Variants in RBMS3 observed in about 807,000 individuals in gnomAD.
The protein encoded by RBMS3 is RNA binding motif single stranded interacting protein 3, also known as RNA-binding motif, single-stranded-interacting protein 3.
Under a neutral mutation model 66.8 loss-of-function variants are expected in RBMS3, and 27 were observed. The observed-to-expected ratio is 0.40, with a 90% CI of 0.30 to 0.56. The LOEUF (loss-of-function observed/expected upper bound fraction) is 0.56. RBMS3 is among the 20% of genes least tolerant of loss of function. RBMS3 has a pLI of 0.40. For synonymous variants in RBMS3, 188 were observed against 183.0 expected, an observed-to-expected ratio of 1.03 and a Z score of -0.22; for missense variants, 513 against 549.5, an observed-to-expected ratio of 0.93 and a Z score of 0.66.
chr3:29,613,225 T>C (rs966005228), intron 4 of RBMS3, among the ~76,000 whole-genome samples: 8 of 152,212 alleles, frequency 5.3e-5, no homozygotes, highest in African/African-American at 1.9e-4. Context: ...CCGGATCATA[T>C]GTTAGTTCTG....
At chr3:29,550,829 G>A (rs2046157962) in intron 3 of RBMS3, among the ~76,000 whole-genome samples, 1 of 152,184 alleles carries the variant, frequency 6.6e-6, no homozygotes, top group Non-Finnish European at 1.5e-5. Context: ...GAGCATCACT[G>A]ACACTTTATC....
chr3:29,870,385 T>C (rs1286403633), intron 7 of RBMS3, among the ~76,000 whole-genome samples: 3 of 152,126 alleles, frequency 2.0e-5, no homozygotes, highest in African/African-American at 2.4e-5. Flanking sequence ...AGAGATATCT[T>C]TGGGTCACAG....
At chr3:29,295,813 A>G (rs1348359318) in intron 1 of RBMS3, among the ~76,000 whole-genome samples, 1 of 151,770 alleles carries the variant, frequency 6.6e-6, no homozygotes, top group Non-Finnish European at 1.5e-5. Flanking sequence ...ATTCTAAAAT[A>G]TATATTCAGG....
chr3:29,987,352 T>G (rs1457536940), intron 12 of RBMS3, among the ~76,000 whole-genome samples: 1 of 152,208 alleles, frequency 6.6e-6, no homozygotes, highest in Non-Finnish European at 1.5e-5. Flanking sequence ...TACTTTATGC[T>G]TATGTAACTG....
At chr3:29,453,768 C>A (rs1412358996) in intron 2 of RBMS3, among the ~76,000 whole-genome samples, 1 of 152,196 alleles carries the variant, frequency 6.6e-6, no homozygotes. Context: ...TGGAAGAGGG[C>A]AGAATCAATA....
rs553136512 is a variant in RBMS3 at position 29,809,215 on chromosome 3, G to A, written c.637+46226G>A. On this transcript the variant is annotated intron_variant, in intron 6 of 14. Transcript: ENST00000383767. Reference sequence around the variant, plus strand: ...ATAATTTATCTAAAAATCCTTTTTCGAAAGTTCATTGGAGAATTTCATTCT... The same window carrying A: ...ATAATTTATCTAAAAATCCTTTTTCAAAAGTTCATTGGAGAATTTCATTCT... 1.9e-4 allele frequency among the ~76,000 whole-genome samples: 29 copies of A among 151,032 alleles called. No homozygotes were observed. The South Asian group carries it at 3.5e-3, about 18-fold the overall frequency.
chr3:29,509,538 T>C (rs917663029), intron 3 of RBMS3, among the ~76,000 whole-genome samples: 1 of 152,218 alleles, frequency 6.6e-6, no homozygotes, highest in Non-Finnish European at 1.5e-5. Flanking sequence ...AGGTCTGCTT[T>C]GTTTTAAAGC....
chr3:29,308,360 A>G (rs775982964), intron 1 of RBMS3, among the ~76,000 whole-genome samples: 3 of 151,848 alleles, frequency 2.0e-5, no homozygotes, highest in Non-Finnish European at 4.4e-5. Flanking sequence ...GTGTTGGCTC[A>G]TTGGAGAAGA....
chr3:29,721,989 T>C (rs1559605375), intron 4 of RBMS3, among the ~76,000 whole-genome samples: 1 of 152,100 alleles, frequency 6.6e-6, no homozygotes, highest in Non-Finnish European at 1.5e-5. Context: ...TACTGCTGAG[T>C]ATGTTAATTG....
chr3:29,544,759 T>A (rs1364142645), intron 3 of RBMS3, among the ~76,000 whole-genome samples: 1 of 151,726 alleles, frequency 6.6e-6, no homozygotes, highest in Non-Finnish European at 1.5e-5. Context: ...TGGTCTGTAT[T>A]AGTGTTCAGC....
chr3:29,932,485 A>G (rs2061154546), intron 10 of RBMS3, among the ~76,000 whole-genome samples: 1 of 152,170 alleles, frequency 6.6e-6, no homozygotes, highest in Non-Finnish European at 1.5e-5. Context: ...GCCTAATCCC[A>G]GAGAGTCTAA....
chr3:29,938,824 G>T (rs1257947014), intron 11 of RBMS3, among the ~76,000 whole-genome samples: 1 of 151,960 alleles, frequency 6.6e-6, no homozygotes, highest in African/African-American at 2.4e-5. Context: ...TATTAGCTCT[G>T]CATGTTTAGG....
chr3:29,569,057 C>G (rs1332033939), intron 3 of RBMS3, among the ~76,000 whole-genome samples: 1 of 152,062 alleles, frequency 6.6e-6, no homozygotes, highest in African/African-American at 2.4e-5. Context: ...AACAAGCTCC[C>G]AAGTGATGCC....
chr3:29,785,555 A>T lies in RBMS3; in HGVS notation c.637+22566A>T, dbSNP rs536585511. On this transcript the variant is annotated intron_variant, in intron 6 of 14. Coordinates refer to ENST00000383767, the MANE Select transcript of RBMS3 (RefSeq NM_001003793.3). ...TACTGTACTATAAACATAGTATAAC[A>T]TAACATAGTATCATATAAACAGAAT... Among the ~76,000 whole-genome samples, 8 of 152,176 alleles carry T rather than the reference A, an allele frequency of 5.3e-5. No homozygotes were observed. The East Asian group carries it at 1.5e-3, about 29-fold the overall frequency.
At chr3:29,742,654 T>C (rs1367072228) in intron 5 of RBMS3, among the ~76,000 whole-genome samples, 1 of 152,232 alleles carries the variant, frequency 6.6e-6, no homozygotes, top group African/African-American at 2.4e-5. Flanking sequence ...TCAAATAAAA[T>C]ATATCACGAT....
At chr3:29,384,441 G>A (rs61210792) in intron 1 of RBMS3, among the ~76,000 whole-genome samples, 1 of 106,876 alleles carries the variant, frequency 9.4e-6, no homozygotes, top group Non-Finnish European at 2.0e-5. Context: ...ATAATAAGAA[G>A]AAGAAGAAGA....
At chr3:29,598,365 A>G (rs1456740418) in intron 4 of RBMS3, among the ~76,000 whole-genome samples, 1 of 152,116 alleles carries the variant, frequency 6.6e-6, no homozygotes, top group Non-Finnish European at 1.5e-5. Context: ...GCAAAAATAC[A>G]GTAAAGAATG....
intron 1 of RBMS3, among the ~76,000 whole-genome samples, chr3:29,284,770 T>C (rs967237121): frequency 6.6e-6 from 1 of 151,946 alleles, no homozygotes; most frequent in African/African-American, 2.4e-5. Flanking sequence ...ATATCTATAA[T>C]GTGTAACAAT....
intron 3 of RBMS3, among the ~76,000 whole-genome samples, chr3:29,548,052 C>T (rs2046032872): frequency 2.6e-5 from 4 of 151,930 alleles, no homozygotes; most frequent in Admixed American, 2.6e-4. Context: ...GCCTCAGCCT[C>T]CCAAACTGCA....
Sources: gnomAD v4.1 joint callset for allele counts (sites outside exome capture counted in the v4.1 genomes callset) on GRCh38, gnomAD v4.1.1 for gene constraint, MANE v1.5 for transcripts, NCBI Gene and HGNC (gene_info 2026-07-23, HGNC 2026-07-21) for gene names.